Variants in HDC observed in about 807,000 individuals in gnomAD.
The protein encoded by HDC is histidine decarboxylase.
A neutral mutation model predicts 64.4 loss-of-function variants in HDC; 27 were observed. The observed-to-expected ratio is 0.42, with a 90% CI of 0.31 to 0.58. The LOEUF (loss-of-function observed/expected upper bound fraction) is 0.58, where lower values mean the gene tolerates loss of function less well. Ranked by LOEUF, HDC falls within the 20% of genes least tolerant of loss-of-function variation. The pLI is 0.16. For synonymous variants in HDC, 305 were observed against 314.2 expected, an observed-to-expected ratio of 0.97 and a Z score of 0.31; for missense variants, 711 against 833.9, an observed-to-expected ratio of 0.85 and a Z score of 1.81.
At chr15:50,247,583 T>C (rs1199854940) in intron 10 of HDC, among the ~76,000 whole-genome samples, 2 of 152,172 alleles carry the variant, frequency 1.3e-5, no homozygotes. Flanking sequence ...TGGACTCTTG[T>C]AGAAGTGGGA....
In HDC at chr15:50,242,546, A is replaced by T. The variant is rs776173042; in HGVS notation, c.1703T>A (p.Phe568Tyr). 2 of 1,614,170 alleles carry T rather than the reference A, an allele frequency of 1.2e-6. No homozygotes were observed. Among genetic ancestry groups the T allele is most frequent in the Admixed American group, 1.7e-5 (1 of 60,024 alleles). Reference protein sequence around the residue: ...PDATKHKLSSFLFSYLSVQTK... With the variant: ...PDATKHKLSSYLFSYLSVQTK... ...CTGCACAGACAAGTAACTGAACAGG[A>T]AGGAGGACAGCTTGTGCTTGGTGGC... The change falls in exon 12 of 12, where the codon TTC (phenylalanine) becomes TAC (tyrosine). Residue 568 changes from phenylalanine (F) to tyrosine (Y), a missense_variant. Phe to Tyr is a conservative substitution (Grantham distance 22). Transcript: ENST00000267845.
chr15:50,247,795 T>G (rs192244074), intron 10 of HDC, among the ~76,000 whole-genome samples: 6 of 152,344 alleles, frequency 3.9e-5, no homozygotes, highest in Admixed American at 3.3e-4. Flanking sequence ...GTTCCAGACT[T>G]GGTAGGTCTA....
At chr15:50,244,844 C>T (rs1297112415) in intron 10 of HDC, 1 of 152,088 alleles carries the variant, frequency 6.6e-6, no homozygotes, top group Non-Finnish European at 1.5e-5. Flanking sequence ...GCCCAGAACT[C>T]CCACCTGGGC....
chr15:50,257,539 G>A lies in HDC; in HGVS notation c.327C>T (p.Ser109=), dbSNP rs964922158. 2.5e-6 allele frequency: 4 copies of A among 1,614,028 alleles called. No individual in the cohort carries two copies. Among genetic ancestry groups the A allele is most frequent in the Admixed American group, 1.7e-5 (1 of 59,998 alleles). ...INCLGFTWAS[S]PACTELEMNV... ...TCATCTCCAGCTCTGTACACGCAGG[G>A]CTGGATGCCTGAGAAAGGAAAAGGA... Residue 109 remains serine, a synonymous_variant, in exon 4 of 12, where the codon AGC becomes AGT. Coordinates refer to ENST00000267845, the MANE Select transcript of HDC (RefSeq NM_002112.4).
At chr15:50,261,336 T>C (rs2045700008) in intron 2 of HDC, among the ~76,000 whole-genome samples, 1 of 152,224 alleles carries the variant, frequency 6.6e-6, no homozygotes, top group Non-Finnish European at 1.5e-5. Context: ...AGATTACAGT[T>C]AGCCCCTCAG....
chr15:50,261,600 G>A (rs1251161255), intron 2 of HDC, among the ~76,000 whole-genome samples: 2 of 129,666 alleles, frequency 1.5e-5, no homozygotes, highest in African/African-American at 5.8e-5. Flanking sequence ...GGGCAACATA[G>A]CAAGACCTTG....
intron 2 of HDC, among the ~76,000 whole-genome samples, chr15:50,261,813 G>A (rs992069599): frequency 7.9e-5 from 12 of 151,464 alleles, no homozygotes; most frequent in Non-Finnish European, 1.3e-4. Flanking sequence ...GGGTTCAAGC[G>A]ATTCTCCTAC....
At chr15:50,252,990 C>T (rs769734490) in intron 7 of HDC, 85 of 595,470 alleles carry the variant, frequency 1.4e-4, no homozygotes, top group Admixed American at 2.1e-4. Context: ...CAAAGCCTCA[C>T]CCTTGCCTTT....
intron 2 of HDC, 149 bp downstream of exon 2, chr15:50,263,086 C>T (rs2045724638): frequency 1.3e-5 from 11 of 817,344 alleles, no homozygotes; most frequent in Non-Finnish European, 1.7e-5. Flanking sequence ...CCTCCACATG[C>T]CTAGCAGATG....
At chr15:50,259,350 G>A (rs2045673202) in intron 2 of HDC, among the ~76,000 whole-genome samples, 1 of 152,180 alleles carries the variant, frequency 6.6e-6, no homozygotes, top group Non-Finnish European at 1.5e-5. Context: ...ATGTAGTGAG[G>A]AAAGGAGACG....
At chr15:50,247,028 G>T (rs1414111736) in intron 10 of HDC, among the ~76,000 whole-genome samples, 1 of 152,206 alleles carries the variant, frequency 6.6e-6, no homozygotes. Flanking sequence ...TCAAACGTGG[G>T]AGTTAAAAAG....
chr15:50,252,407 G>C (rs1270380386), intron 9 of HDC, 23 bp downstream of exon 9: 1 of 1,606,856 alleles, frequency 6.2e-7, no homozygotes, highest in South Asian at 1.1e-5. Flanking sequence ...AGCCCACCAG[G>C]CTGCCCGTCC....
rs1359536784 is a variant in HDC at position 50,265,652 on chromosome 15, G to C, written c.-29C>G. 6.2e-7 allele frequency: 1 copy of C among 1,612,958 alleles called. No homozygotes were observed. Among genetic ancestry groups the C allele is most frequent in the African/African-American group, 1.3e-5 (1 of 75,006 alleles). On this transcript the variant is annotated 5_prime_UTR_variant, in exon 1 of 12. In the 5' UTR this introduces an upstream ATG that the reference lacks. Transcript: ENST00000267845. The stretch of plus-strand genomic sequence containing the variant: ...CCTTGGGCTCTGGCTCCTTCTCACA[G>C]ATGGACACGCAGGAGGTGGAAGGCG...
In HDC at chr15:50,248,155, T is replaced by C; in HGVS notation, c.1140+90A>G. On this transcript the variant is annotated intron_variant, in intron 10 of 11. Coordinates refer to ENST00000267845, the MANE Select transcript of HDC (RefSeq NM_002112.4). The surrounding 1 kb of genome is among the most constrained non-coding windows in gnomAD (Gnocchi z 4.3). ...CCTGAACCACACACCGCAAGTCTCC[T>C]AGGCAGATCTGCAAAGTAGAAACCA... 1 of 878,002 alleles carries C rather than the reference T, an allele frequency of 1.1e-6. No individual in the cohort carries two copies. Among genetic ancestry groups the C allele is most frequent in the Admixed American group, 1.9e-5 (1 of 51,296 alleles). 54.4% of individuals were successfully genotyped at this position (878,002 alleles called of 1,614,324 possible).
At chr15:50,258,113 C>A (rs1053090193) in intron 3 of HDC, among the ~76,000 whole-genome samples, 2 of 152,120 alleles carry the variant, frequency 1.3e-5, no homozygotes, top group African/African-American at 4.8e-5. Flanking sequence ...GTGGCAATAA[C>A]CAGATCTGTA....
At chr15:50,252,391 C>A (rs1324919534) in intron 9 of HDC, 39 bp downstream of exon 9, 1 of 1,561,500 alleles carries the variant, frequency 6.4e-7, no homozygotes, top group Admixed American at 1.7e-5. Context: ...TCCCACTGGC[C>A]ACCCGAGCCC....
chr15:50,258,531 A>C lies in HDC; in HGVS notation c.205-14T>G, dbSNP rs765656212. The C allele has an allele frequency of 2.0e-6, 3 of 1,527,458 alleles. No individual in the cohort carries two copies. The highest frequency in any genetic ancestry group is 1.7e-5 in the Admixed American group (1 of 59,820). 94.6% of individuals were successfully genotyped at this position (1,527,458 alleles called of 1,614,324 possible). A position where few individuals can be genotyped will look rare whatever the true frequency, so the allele number is the denominator to read the frequency against. On this transcript the variant is annotated splice_polypyrimidine_tract_variant and intron_variant, in intron 2 of 11. Coordinates refer to ENST00000267845, the MANE Select transcript of HDC (RefSeq NM_002112.4). ...CCAATGTACCACCTGGAGGCAGAGC[A>C]TGCACAGAGTTGGCACCAGGAGGCA...
chr15:50,260,138 C>T (rs191047981), intron 2 of HDC, among the ~76,000 whole-genome samples: 33 of 152,110 alleles, frequency 2.2e-4, no homozygotes, highest in Middle Eastern at 3.4e-3. Flanking sequence ...TCTCCTGCCT[C>T]AGCCTCCCAA....
chr15:50,261,126 A>G (rs1024345329), intron 2 of HDC, among the ~76,000 whole-genome samples: 12 of 152,282 alleles, frequency 7.9e-5, no homozygotes, highest in African/African-American at 2.9e-4. Flanking sequence ...TCTACCTCCT[A>G]GCTCTATCAA....
Sources: gnomAD v4.1 joint callset for allele counts (sites outside exome capture counted in the v4.1 genomes callset) on GRCh38, gnomAD v4.1.1 for gene constraint, Gnocchi (gnomAD v3.1) non-coding constraint, MANE v1.5 for transcripts, NCBI Gene and HGNC (gene_info 2026-07-23, HGNC 2026-07-21) for gene names.